Variants in IL22RA2 observed in about 807,000 individuals in gnomAD.
IL22RA2 encodes the protein interleukin-22 receptor subunit alpha-2.
In IL22RA2, 39 loss-of-function variants were observed where a neutral mutation model predicts 30.7. That is an observed-to-expected ratio of 1.27 (90% CI 0.98 to 1.66). IL22RA2 has a LOEUF of 1.66. Ranked by LOEUF, IL22RA2 falls within the 40% of genes most tolerant of loss-of-function variation. The probability of loss-of-function intolerance (pLI) is 0.00; values close to 1 mark genes in which losing one functional copy is unlikely to be tolerated. For synonymous variants in IL22RA2, 103 were observed against 105.0 expected (o/e 0.98, Z 0.11); for missense variants, 315 against 312.7 (o/e 1.01, Z -0.05).
chr6:137,171,564 C>G (rs949664067), intron 1 of IL22RA2, among the ~76,000 whole-genome samples: 2 of 152,154 alleles, frequency 1.3e-5, no homozygotes, highest in Non-Finnish European at 1.5e-5. Flanking sequence ...GAGTTGTTCT[C>G]AAGTGTAGAC....
intron 4 of IL22RA2, 33 bp downstream of exon 4, chr6:137,156,726 A>G: frequency 1.2e-6 from 2 of 1,604,384 alleles, no homozygotes; most frequent in Non-Finnish European, 1.7e-6. Context: ...AGAACACCTG[A>G]GGCTAGGTAA....
At chr6:137,149,776 A>C (rs904901999) in intron 5 of IL22RA2, among the ~76,000 whole-genome samples, 1 of 152,214 alleles carries the variant, frequency 6.6e-6, no homozygotes, top group African/African-American at 2.4e-5. Flanking sequence ...CTACCTTTCC[A>C]GTCCCATCTC....
At position 137,150,653 on chromosome 6, in the gene IL22RA2, G is replaced by A. The variant is rs117760623; in HGVS notation, c.473-2762C>T. Among the ~76,000 whole-genome samples the A allele has an allele frequency of 0.011, 1,635 of 152,158 alleles. 53 individuals carry two copies. In the East Asian group the frequency reaches 0.12, roughly 11 times the overall value. On this transcript the variant is annotated intron_variant, in intron 5 of 6. Transcript: ENST00000296980. ...AATGGCTTAGACTGAAGGAAACTTTGTTTGATAAGTAAATTTGAATGTGAC... is the reference window on the plus strand; with the variant it reads ...AATGGCTTAGACTGAAGGAAACTTTATTTGATAAGTAAATTTGAATGTGAC...
intron 3 of IL22RA2, among the ~76,000 whole-genome samples, chr6:137,157,382 C>A (rs746749348): frequency 2.6e-5 from 4 of 152,048 alleles, no homozygotes; most frequent in Admixed American, 6.5e-5. Flanking sequence ...AATGGAGAAA[C>A]CTTCATTGTA....
At chr6:137,156,267 G>A (rs1485868458) in intron 4 of IL22RA2, among the ~76,000 whole-genome samples, 1 of 152,156 alleles carries the variant, frequency 6.6e-6, no homozygotes, top group Non-Finnish European at 1.5e-5. Flanking sequence ...AAAAGAGAAG[G>A]AATTGGAGTC....
At chr6:137,170,161 T>C (rs1262250706) in intron 1 of IL22RA2, among the ~76,000 whole-genome samples, 4 of 152,146 alleles carry the variant, frequency 2.6e-5, no homozygotes, top group African/African-American at 9.7e-5. Context: ...CCAACTGGTA[T>C]CCCAAGATGA....
chr6:137,168,645 G>C (rs1778672418), intron 1 of IL22RA2, among the ~76,000 whole-genome samples: 1 of 130,298 alleles, frequency 7.7e-6, no homozygotes, highest in South Asian at 2.2e-4. Context: ...CACTGGAAGG[G>C]CTGCTCTGTT....
intron 2 of IL22RA2, among the ~76,000 whole-genome samples, chr6:137,160,927 T>G (rs1778508565): frequency 6.6e-6 from 1 of 152,200 alleles, no homozygotes; most frequent in African/African-American, 2.4e-5. Context: ...TTGAATTGCT[T>G]TTATGTATTA....
chr6:137,162,007 G>GT (rs1337604195), intron 1 of IL22RA2, among the ~76,000 whole-genome samples, 193 bp from the exon 2 acceptor site: 1 of 152,132 alleles, frequency 6.6e-6, no homozygotes, highest in Non-Finnish European at 1.5e-5. Context: ...CTCGTTTTTT[G>GT]TTGGGGCTTC....
At chr6:137,157,063 C>T (rs1778421701) in intron 3 of IL22RA2, among the ~76,000 whole-genome samples, 3 of 152,180 alleles carry the variant, frequency 2.0e-5, no homozygotes, top group African/African-American at 4.8e-5. Context: ...CGAGGCCCTA[C>T]TTCCAACACC....
intron 1 of IL22RA2, among the ~76,000 whole-genome samples, chr6:137,171,130 A>T (rs180711264): frequency 3.0e-4 from 45 of 152,350 alleles, no homozygotes; most frequent in African/African-American, 1.1e-3. Context: ...GTATCCATCC[A>T]TGCAGCTATC....
chr6:137,161,689 C>T lies in IL22RA2; in HGVS notation c.61G>A (p.Gly21Arg). 6.2e-7 allele frequency: 1 copy of T among 1,612,186 alleles called. No homozygotes were observed. The highest frequency in any genetic ancestry group is 8.5e-7 in the Non-Finnish European group (1 of 1,178,462). ...LISFFLTGVA[G>R]TQSTHESLKP... ...AATTAAAAAGAAACAAAGCACTTAC[C>T]TGCTACACCAGTAAGGAAGAAACTG... The change falls in exon 2 of 7, where the codon GGA (glycine) becomes AGA (arginine). Residue 21 changes from glycine (G) to arginine (R), a missense_variant and splice_region_variant. Transcript: ENST00000296980.
intron 2 of IL22RA2, among the ~76,000 whole-genome samples, chr6:137,160,210 C>T (rs969377223): frequency 1.3e-5 from 2 of 152,224 alleles, no homozygotes; most frequent in Admixed American, 6.5e-5. Context: ...GCTTAATGCC[C>T]TTAATCTCTC....
chr6:137,156,917 C>T (rs1778418656), intron 3 of IL22RA2, 63 bp from the exon 4 acceptor site: 2 of 1,572,880 alleles, frequency 1.3e-6, no homozygotes, highest in Admixed American at 1.7e-5. Flanking sequence ...GGCATCCTGG[C>T]TTTACAACAA....
In IL22RA2 at chr6:137,144,333, T is replaced by C. The variant is rs569499699; in HGVS notation, c.*1291A>G. ...CCCCCAATACATTTCTGAATATTTT[T>C]TAATCCATTTATCACTGAGTACTTG... On this transcript the variant is annotated 3_prime_UTR_variant, in exon 7 of 7. Transcript: ENST00000296980. 8 of 152,302 alleles carry C rather than the reference T, an allele frequency of 5.3e-5. No homozygotes were observed. The highest frequency in any genetic ancestry group is 1.9e-4 in the African/African-American group (8 of 41,550). 9.4% of individuals were successfully genotyped at this position (152,302 alleles called of 1,614,324 possible).
At chr6:137,153,341 A>G (rs1040820459) in intron 5 of IL22RA2, among the ~76,000 whole-genome samples, 4 of 152,188 alleles carry the variant, frequency 2.6e-5, no homozygotes, top group Non-Finnish European at 5.9e-5. Context: ...ACTCAGTTTG[A>G]GAGACGTCTT....
At position 137,156,777 on chromosome 6, in the gene IL22RA2, C is replaced by T; in HGVS notation, c.275G>A (p.Gly92Asp). 1 of 1,613,780 alleles carries T rather than the reference C, an allele frequency of 6.2e-7. No homozygotes were observed. Among genetic ancestry groups the T allele is most frequent in the Non-Finnish European group, 8.5e-7 (1 of 1,179,728 alleles). The change falls in exon 4 of 7, where the codon GGC becomes GAC. Residue 92 changes from glycine (G) to aspartate (D), a missense_variant. Gly to Asp is a moderately conservative substitution (Grantham distance 94). Coordinates refer to ENST00000296980, the MANE Select transcript of IL22RA2 (RefSeq NM_052962.3). The stretch of plus-strand genomic sequence containing the variant: ...GGTGTACTTAGCCAATGTTCTGCAG[C>T]CTGGGAAGTTACAAGAAATGTGCTG... ...CWQHISCNFP[G>D]CRTLAKYGQR...
At chr6:137,159,469 C>T (rs564613446) in intron 2 of IL22RA2, among the ~76,000 whole-genome samples, 19 of 152,076 alleles carry the variant, frequency 1.2e-4, no homozygotes, top group East Asian at 9.7e-4. Flanking sequence ...TACAGGTGCC[C>T]GCCACCATGC....
intron 2 of IL22RA2, among the ~76,000 whole-genome samples, chr6:137,160,419 T>A (rs1778498815): frequency 6.6e-6 from 1 of 152,158 alleles, no homozygotes. Context: ...CTGAAGGAGA[T>A]TGCCAGGCAG....
Sources: allele counts gnomAD v4.1 joint callset (sites outside exome capture counted in the v4.1 genomes callset), GRCh38; gene constraint gnomAD v4.1.1; transcripts MANE v1.5; gene names NCBI Gene and HGNC (gene_info 2026-07-23, HGNC 2026-07-21).